Variants in RAD51B observed in about 807,000 individuals in gnomAD.
The protein encoded by RAD51B is DNA repair protein RAD51 homolog 2.
Under a neutral mutation model 42.2 loss-of-function variants are expected in RAD51B, and 38 were observed. The observed-to-expected ratio is 0.90, with a 90% CI of 0.70 to 1.18. The LOEUF (loss-of-function observed/expected upper bound fraction) is 1.18. Among genes scored for constraint, RAD51B ranks in the 50% most tolerant of loss-of-function variants. The pLI, the probability that RAD51B is intolerant of heterozygous loss-of-function variation, is 0.00. For synonymous variants in RAD51B, 154 were observed against 145.2 expected (o/e 1.06, Z -0.43); for missense variants, 373 against 400.7 (o/e 0.93, Z 0.59).
chr14:68,128,867 CA>C (rs1318105039), intron 7 of RAD51B, among the ~76,000 whole-genome samples: 1 of 152,146 alleles, frequency 6.6e-6, no homozygotes, highest in Non-Finnish European at 1.5e-5. Flanking sequence ...TGTAGTTTTT[CA>C]TTGAAATTAA....
At chr14:67,885,669 G>T in intron 5 of RAD51B, 200 bp from the exon 6 acceptor site, 1 of 417,078 alleles carries the variant, frequency 2.4e-6, no homozygotes, top group Non-Finnish European at 3.9e-6. Context: ...GCCCTTGCTG[G>T]TTGCATGCTC....
chr14:68,139,793 G>A (rs1454869582), intron 7 of RAD51B, among the ~76,000 whole-genome samples: 1 of 152,218 alleles, frequency 6.6e-6, no homozygotes, highest in Non-Finnish European at 1.5e-5. Flanking sequence ...GGCCCTGATA[G>A]TAGTCACAGG....
intron 8 of RAD51B, among the ~76,000 whole-genome samples, chr14:68,377,644 C>T (rs1003552345): frequency 6.6e-6 from 1 of 152,156 alleles, no homozygotes; most frequent in Non-Finnish European, 1.5e-5. Flanking sequence ...AGGACAATAC[C>T]AGTATCTGTC....
chr14:68,582,413 A>C (rs1273531195), intron 10 of RAD51B, among the ~76,000 whole-genome samples: 1 of 152,248 alleles, frequency 6.6e-6, no homozygotes, highest in Non-Finnish European at 1.5e-5. Flanking sequence ...AAAGCTCATC[A>C]TCACTGATCA....
chr14:68,040,905 C>T (rs994039784), intron 7 of RAD51B, among the ~76,000 whole-genome samples: 2 of 152,176 alleles, frequency 1.3e-5, no homozygotes, highest in Non-Finnish European at 2.9e-5. Flanking sequence ...CTGAGCTTAA[C>T]ATTTGGGTAT....
At chr14:68,545,501 T>C (rs8017678) in intron 10 of RAD51B, 93,996 of 454,244 alleles carry the variant, frequency 0.21, 10,984 homozygotes, top group Middle Eastern at 0.37. Flanking sequence ...TGCCCTTGTC[T>C]TTAATGCCTT....
intron 10 of RAD51B, among the ~76,000 whole-genome samples, chr14:68,590,459 T>C (rs564690804): frequency 5.3e-5 from 8 of 152,282 alleles, no homozygotes; most frequent in Admixed American, 5.2e-4. Flanking sequence ...CCCCGCAGCG[T>C]TGGGGGTTGC....
intron 7 of RAD51B, among the ~76,000 whole-genome samples, chr14:68,255,742 A>G (rs1477901710): frequency 1.3e-5 from 2 of 152,278 alleles, no homozygotes; most frequent in Non-Finnish European, 2.9e-5. Context: ...ATGGATGCCT[A>G]TTTATACAAT....
intron 7 of RAD51B, among the ~76,000 whole-genome samples, chr14:67,891,931 C>T (rs985841074): frequency 9.2e-5 from 14 of 152,082 alleles, no homozygotes; most frequent in African/African-American, 3.4e-4. Context: ...TTGTGAAAGC[C>T]TGATGAAGTC....
rs542618753 is a variant in RAD51B at position 68,089,541 on chromosome 14, C to G, written c.756+202337C>G. On this transcript the variant is annotated intron_variant, in intron 7 of 10. Coordinates refer to ENST00000471583, the MANE Select transcript of RAD51B (RefSeq NM_133510.4). Reference sequence around the variant, plus strand: ...ATCAGAGACCTCAGAACTCAATACCCTACTATAAAAATAAAATACTGTGCT... The same window carrying G: ...ATCAGAGACCTCAGAACTCAATACCGTACTATAAAAATAAAATACTGTGCT... 6.9e-4 allele frequency among the ~76,000 whole-genome samples: 105 copies of G among 152,210 alleles called. 1 individual carries two copies. Among genetic ancestry groups the G allele is most frequent in the African/African-American group, 2.5e-3 (104 of 41,528 alleles).
chr14:68,052,288 A>G (rs764980059), intron 7 of RAD51B, among the ~76,000 whole-genome samples: 13 of 152,208 alleles, frequency 8.5e-5, no homozygotes, highest in Admixed American at 6.5e-5. Context: ...ATAATCAACA[A>G]TAATAGTAAT....
At chr14:68,585,870 C>T (rs898708027) in intron 10 of RAD51B, among the ~76,000 whole-genome samples, 1 of 152,074 alleles carries the variant, frequency 6.6e-6, no homozygotes, top group African/African-American at 2.4e-5. Context: ...GGTGGGGAGG[C>T]AAGGAGAGCT....
chr14:68,676,537 G>A (rs1893306195), intron 11 of RAD51B, among the ~76,000 whole-genome samples: 1 of 152,248 alleles, frequency 6.6e-6, no homozygotes, highest in Non-Finnish European at 1.5e-5. Flanking sequence ...CGGGGAGTTA[G>A]GGCTACGTGA....
intron 7 of RAD51B, among the ~76,000 whole-genome samples, chr14:67,902,747 T>C (rs2140095679): frequency 6.6e-6 from 1 of 152,318 alleles, no homozygotes; most frequent in Admixed American, 6.5e-5. Context: ...CAGAGGACCC[T>C]GCAATTATTA....
chr14:68,585,735 CA>C (rs1314351540), intron 10 of RAD51B, among the ~76,000 whole-genome samples: 1 of 152,180 alleles, frequency 6.6e-6, no homozygotes, highest in Non-Finnish European at 1.5e-5. Flanking sequence ...AATAATGAGC[CA>C]CGTTGGAGAG....
intron 7 of RAD51B, among the ~76,000 whole-genome samples, chr14:68,116,054 C>G (rs1317941612): frequency 6.6e-6 from 1 of 151,330 alleles, no homozygotes; most frequent in Non-Finnish European, 1.5e-5. Flanking sequence ...GGTACTTATA[C>G]CATTGAGTTA....
At chr14:67,826,855 G>A (rs1267587110) in intron 3 of RAD51B, among the ~76,000 whole-genome samples, 2 of 151,914 alleles carry the variant, frequency 1.3e-5, no homozygotes, top group African/African-American at 4.8e-5. Flanking sequence ...ACTACGTTTT[G>A]TGTTTTTTGT....
At chr14:68,648,488 G>A (rs1279111975) in intron 10 of RAD51B, among the ~76,000 whole-genome samples, 1 of 151,422 alleles carries the variant, frequency 6.6e-6, no homozygotes, top group East Asian at 2.0e-4. Flanking sequence ...TTGGAGACCA[G>A]CCATATAAAA....
At chr14:67,994,292 G>T (rs957190224) in intron 7 of RAD51B, among the ~76,000 whole-genome samples, 3 of 151,866 alleles carry the variant, frequency 2.0e-5, no homozygotes, top group Admixed American at 2.0e-4. Context: ...TAATTTTAAT[G>T]TGCATCATTG....
Sources: allele counts gnomAD v4.1 joint callset (sites outside exome capture counted in the v4.1 genomes callset), GRCh38; gene constraint gnomAD v4.1.1; transcripts MANE v1.5; gene names NCBI Gene and HGNC (gene_info 2026-07-23, HGNC 2026-07-21).